The following RFC2 variants were observed in gnomAD, a reference collection of about 807,000 sequenced individuals.
The protein encoded by RFC2 is replication factor C subunit 2.
RFC2 carries 34 observed loss-of-function variants against 44.8 expected under a neutral mutation model. The observed-to-expected ratio is 0.76, with a 90% CI of 0.58 to 1.01. The LOEUF is 1.01. Ranked by LOEUF, RFC2 falls within the 50% of genes least tolerant of loss-of-function variation. The pLI is 0.00. For missense variants in RFC2, 400 were observed against 453.6 expected (o/e 0.88, Z 1.07); for synonymous variants, 177 against 168.9 (o/e 1.05, Z -0.37).
In RFC2 at chr7:74,249,748, G is replaced by T. The variant is rs1786797001; in HGVS notation, c.216C>A (p.Ile72=). ...AGGGCTGGGTACTCACCGCAATGAT[G>T]ATGTTGGGCACATTTCCTTCCCTTG... is the stretch of plus-strand genomic sequence containing the variant. ...VFAREGNVPN[I]IIAGPPGTGK... Residue 72 remains isoleucine, a synonymous_variant, in exon 3 of 11, where the codon ATC becomes ATA. Coordinates refer to ENST00000055077, the MANE Select transcript of RFC2 (RefSeq NM_181471.3). The T allele has an allele frequency of 6.2e-7, 1 of 1,613,472 alleles. No homozygotes were observed. The highest frequency in any genetic ancestry group is 8.5e-7 in the Non-Finnish European group (1 of 1,179,580).
At chr7:74,240,419 T>A (rs1028851263) in intron 6 of RFC2, among the ~76,000 whole-genome samples, 1 of 151,346 alleles carries the variant, frequency 6.6e-6, no homozygotes, top group South Asian at 2.1e-4. Context: ...AGAGACTCGC[T>A]TGAGCACGAG....
intron 5 of RFC2, among the ~76,000 whole-genome samples, chr7:74,244,520 G>A (rs549556634): frequency 3.3e-5 from 5 of 151,458 alleles, no homozygotes; most frequent in East Asian, 2.0e-4. Flanking sequence ...CAGCCTGGGC[G>A]CCACCATGTC....
At chr7:74,235,288 C>T (rs1160482666) in intron 10 of RFC2, among the ~76,000 whole-genome samples, 2 of 152,228 alleles carry the variant, frequency 1.3e-5, no homozygotes, top group Non-Finnish European at 2.9e-5. Context: ...CCGCCCACCT[C>T]GGCCTCCCAA....
rs550743475 is a variant in RFC2, at chr7:74,241,520, G to A, written c.536-1425C>T. Among the ~76,000 whole-genome samples, 14 of 152,320 alleles carry A rather than the reference G, an allele frequency of 9.2e-5. No individual in the cohort carries two copies. In the South Asian group the frequency reaches 2.3e-3, roughly 25 times the overall value. ...TGGTAATGCGCTCGTCGGCAACAGC[G>A]GCCTGGGTGGCAAGGGGGTTGTCAG... On this transcript the variant is annotated intron_variant, in intron 6 of 10. Coordinates refer to ENST00000055077, the MANE Select transcript of RFC2 (RefSeq NM_181471.3).
chr7:74,241,226 CT>C (rs1424191347), intron 6 of RFC2, among the ~76,000 whole-genome samples: 2 of 152,138 alleles, frequency 1.3e-5, no homozygotes, highest in Non-Finnish European at 2.9e-5. Flanking sequence ...CCACTGTGCC[CT>C]GCCAAATCAA....
intron 6 of RFC2, among the ~76,000 whole-genome samples, chr7:74,240,801 T>C (rs3135677): frequency 0.29 from 44,328 of 151,814 alleles, 6,607 homozygotes; most frequent in Non-Finnish European, 0.32. Flanking sequence ...AGTTTCTTTC[T>C]TTTTTTTTCA....
chr7:74,247,554 C>T (rs1000034531), intron 4 of RFC2, among the ~76,000 whole-genome samples: 1 of 152,142 alleles, frequency 6.6e-6, no homozygotes, highest in Non-Finnish European at 1.5e-5. Context: ...GCACGAGAAT[C>T]GCTTGAACCC....
At chr7:74,253,213 GTTTCT>G (rs1458321640) in intron 1 of RFC2, among the ~76,000 whole-genome samples, 2 of 150,010 alleles carry the variant, frequency 1.3e-5, no homozygotes, top group Non-Finnish European at 1.5e-5. Context: ...TTACCTGCCA[GTTTCT>G]TTTCTTTTTT....
chr7:74,249,207 G>C (rs781878088), intron 3 of RFC2, 89 bp from the exon 4 acceptor site: 5 of 1,591,628 alleles, frequency 3.1e-6, no homozygotes, highest in Non-Finnish European at 2.6e-6. Context: ...TTGCATCTCC[G>C]TCACCTCTGA....
Position 74,252,514 on chromosome 7 carries a change from A to AT in RFC2, c.114-17dup, listed in dbSNP as rs1787028415. The AT allele has an allele frequency of 7.4e-6, 11 of 1,483,586 alleles. No homozygotes were observed. The Middle Eastern group carries it at 1.7e-3, about 231-fold the overall frequency. 91.9% of individuals were successfully genotyped at this position (1,483,586 alleles called of 1,614,324 possible). On this transcript the variant is annotated splice_polypyrimidine_tract_variant and intron_variant, in intron 1 of 10. Coordinates refer to ENST00000055077, the MANE Select transcript of RFC2 (RefSeq NM_181471.3). Reference sequence around the variant, plus strand: ...TTTTTCAACCCTGTTAAGAAAATGCATAAAAATGCTGACATGGTTATCTTC... The same window carrying AT: ...TTTTTCAACCCTGTTAAGAAAATGCATTAAAAATGCTGACATGGTTATCTTC...
At chr7:74,242,618 C>T (rs1412485491) in intron 6 of RFC2, among the ~76,000 whole-genome samples, 1 of 151,898 alleles carries the variant, frequency 6.6e-6, no homozygotes, top group Non-Finnish European at 1.5e-5. Context: ...TCTTCCAGCG[C>T]TAAAGAGCCA....
chr7:74,252,281 C>G lies in RFC2; in HGVS notation c.183+148G>C. 2 of 531,632 alleles carry G rather than the reference C, an allele frequency of 3.8e-6. 1 individual carries two copies. Among genetic ancestry groups the G allele is most frequent in the South Asian group, 3.8e-5 (2 of 53,156 alleles). 32.9% of individuals were successfully genotyped at this position (531,632 alleles called of 1,614,324 possible). A position where few individuals can be genotyped will look rare whatever the true frequency, so the allele number is the denominator to read the frequency against. On this transcript the variant is annotated intron_variant, in intron 2 of 10. Coordinates refer to ENST00000055077, the MANE Select transcript of RFC2 (RefSeq NM_181471.3). Reference sequence around the variant, plus strand: ...AATTAGCTGGGTGTGGTGGTGGGCACCTGTAGTCCCAGCTACTGGGGAGGC... The same window carrying G: ...AATTAGCTGGGTGTGGTGGTGGGCAGCTGTAGTCCCAGCTACTGGGGAGGC...
At chr7:74,233,344 C>G (rs1231668077) in intron 10 of RFC2, among the ~76,000 whole-genome samples, 2 of 152,172 alleles carry the variant, frequency 1.3e-5, no homozygotes, top group Non-Finnish European at 2.9e-5. Flanking sequence ...GACACCCCGT[C>G]TCCACCAAAA....
rs558329096 is a variant in RFC2, at chr7:74,235,385, T to C, written c.954+147A>G. On this transcript the variant is annotated intron_variant, in intron 10 of 10. Transcript: ENST00000055077. ...TTAGTAGACAGAGGCTTTCACTACG[T>C]TGGCCAGGCTGGTCTCGAACTCCTG... is the stretch of plus-strand genomic sequence containing the variant. 5.2e-5 allele frequency: 33 copies of C among 636,976 alleles called. No homozygotes were observed. In the African/African-American group the frequency reaches 5.5e-4, roughly 11 times the overall value. 39.5% of individuals were successfully genotyped at this position (636,976 alleles called of 1,614,324 possible).
At chr7:74,247,295 A>G (rs541250934) in intron 4 of RFC2, among the ~76,000 whole-genome samples, 1 of 152,300 alleles carries the variant, frequency 6.6e-6, no homozygotes, top group Non-Finnish European at 1.5e-5. Flanking sequence ...ACAACAGGAA[A>G]GAGAAAAAAA....
Position 74,254,319 on chromosome 7 carries a change from G to A in RFC2, c.65C>T (p.Pro22Leu), listed in dbSNP as rs782571058. ...EVEAQDSDPAPAFSKAPGSAG... is the reference protein window; with the variant it reads ...EVEAQDSDPALAFSKAPGSAG... ...GCTGCCGGGGGCCTTGCTGAAGGCA[G>A]GGGCAGGGTCAGAGTCCTGGGCCTC... Residue 22 changes from proline (P) to leucine (L), a missense_variant, in exon 1 of 11, where the codon CCT (proline) becomes CTT (leucine). By Grantham distance (98) the Pro-to-Leu change is moderately conservative. Transcript: ENST00000055077. The A allele has an allele frequency of 1.7e-5, 28 of 1,612,568 alleles. No individual in the cohort carries two copies. In the Middle Eastern group the frequency reaches 6.6e-4, roughly 38 times the overall value.
intron 1 of RFC2, 117 bp downstream of exon 1, chr7:74,254,154 C>A: frequency 2.6e-6 from 2 of 762,102 alleles, no homozygotes; most frequent in South Asian, 1.5e-5. Context: ...GGGGCCTCCT[C>A]CTCCCTCGGG....
intron 10 of RFC2, among the ~76,000 whole-genome samples, chr7:74,233,227 G>T (rs3135708): frequency 0.071 from 10,807 of 151,574 alleles, 1,251 homozygotes; most frequent in African/African-American, 0.24. Context: ...ACATAAAAAA[G>T]GTAGGCCAGG....
Position 74,254,281 on chromosome 7 carries a change from C to T in RFC2, c.103G>A (p.Glu35Lys), listed in dbSNP as rs142327554. The change falls in exon 1 of 11, where the codon GAA (glutamate) becomes AAA (lysine). Residue 35 changes from glutamate to lysine, a missense_variant. By Grantham distance (56) the Glu-to-Lys change is moderately conservative. Transcript: ENST00000055077. ...SKAPGSAGHYELPWVEKYRPV... is the reference protein window; with the variant it reads ...SKAPGSAGHYKLPWVEKYRPV... ...GGCCTGGGACCTCACCACGGCAGTT[C>T]GTAGTGGCCGGCGCTGCCGGGGGCC... 3 of 1,611,850 alleles carry T rather than the reference C, an allele frequency of 1.9e-6. No homozygotes were observed. The highest frequency in any genetic ancestry group is 2.5e-6 in the Non-Finnish European group (3 of 1,178,564).
Sources: gnomAD v4.1 joint callset for allele counts (sites outside exome capture counted in the v4.1 genomes callset) on GRCh38, gnomAD v4.1.1 for gene constraint, MANE v1.5 for transcripts, NCBI Gene and HGNC (gene_info 2026-07-23, HGNC 2026-07-21) for gene names.